The following PCDHGA2 variants were observed in gnomAD, a reference collection of about 807,000 sequenced individuals.
The protein encoded by PCDHGA2 is protocadherin gamma subfamily A, 2.
PCDHGA2 carries 40 observed loss-of-function variants against 59.2 expected under a neutral mutation model. That is an observed-to-expected ratio of 0.68 (90% confidence interval 0.52 to 0.88). The LOEUF (loss-of-function observed/expected upper bound fraction) is 0.88, where lower values mean the gene tolerates loss of function less well. PCDHGA2 is among the 40% of genes least tolerant of loss of function. The probability of loss-of-function intolerance (pLI) is 0.00; values close to 1 mark genes in which losing one functional copy is unlikely to be tolerated. For missense variants in PCDHGA2, 1,226 were observed against 1,204.0 expected, an observed-to-expected ratio of 1.02 and a Z score of -0.27; for synonymous variants, 560 against 526.0, an observed-to-expected ratio of 1.06 and a Z score of -0.89.
At position 141,431,192 on chromosome 5, in the gene PCDHGA2, A is replaced by T. The variant is rs769745353; in HGVS notation, c.2425-63615A>T. 8.7e-6 allele frequency: 14 copies of T among 1,614,042 alleles called. No homozygotes were observed. Among genetic ancestry groups the T allele is most frequent in the African/African-American group, 2.7e-5 (2 of 74,912 alleles). On this transcript the variant is annotated intron_variant, in intron 1 of 3. Coordinates refer to ENST00000394576, the MANE Select transcript of PCDHGA2 (RefSeq NM_018915.4). This position sits in a 1 kb window ranked among gnomAD's most constrained non-coding sequence, Gnocchi z 4.8. ...TGAATTAGAAATAAAAATTAGTGAA[A>T]ATGCAGCCACTGAGATGCGGTTCCC...
In PCDHGA2 at chr5:141,511,217, C is replaced by A. The variant is rs766814445; in HGVS notation, c.*44C>A. On this transcript the variant is annotated 3_prime_UTR_variant, in exon 4 of 4. Transcript: ENST00000394576. ...AGCCACAGGGCGGCCTCTCCCCAAC[C>A]AGCCCAGCTTCTCCTTACCTGCACC... The A allele has an allele frequency of 2.5e-6, 4 of 1,607,588 alleles. No homozygotes were observed. Among genetic ancestry groups the A allele is most frequent in the Non-Finnish European group, 3.4e-6 (4 of 1,177,026 alleles).
intron 1 of PCDHGA2, chr5:141,376,557 C>A: frequency 6.2e-7 from 1 of 1,609,994 alleles, no homozygotes; most frequent in Non-Finnish European, 8.5e-7. Flanking sequence ...CTTCCCGCAA[C>A]CCAACTAATC....
At chr5:141,415,818 A>C in intron 1 of PCDHGA2, 11 of 1,325,038 alleles carry the variant, frequency 8.3e-6, no homozygotes, top group Non-Finnish European at 8.7e-6. Flanking sequence ...CCTATATATC[A>C]TAAGGCTTTG....
chr5:141,363,888 C>T (rs1763099413), intron 1 of PCDHGA2, among the ~76,000 whole-genome samples: 1 of 152,020 alleles, frequency 6.6e-6, no homozygotes, highest in South Asian at 2.1e-4. Flanking sequence ...ACATAGGCTC[C>T]CCCGATGACG....
rs146857860 is a variant in PCDHGA2, at chr5:141,339,500, C to A, written c.529C>A (p.His177Asn). 178 of 1,614,016 alleles carry A rather than the reference C, an allele frequency of 1.1e-4. No individual in the cohort carries two copies. The highest frequency in any genetic ancestry group is 1.4e-4 in the Non-Finnish European group (165 of 1,180,036). ...LQKYALNPND[H>N]FSLDVRRGAD... ...GAAGTACGCACTCAACCCAAATGAC[C>A]ACTTCTCCCTGGACGTGCGAAGGGG... is the stretch of plus-strand genomic sequence containing the variant. The change falls in exon 1 of 4, where the codon CAC becomes AAC. Residue 177 changes from histidine to asparagine, a missense_variant. Transcript: ENST00000394576.
rs1756954726 is a variant in PCDHGA2, at chr5:141,340,525, C to G, written c.1554C>G (p.Arg518=). 4 of 1,614,126 alleles carry G rather than the reference C, an allele frequency of 2.5e-6. No homozygotes were observed. Among genetic ancestry groups the G allele is most frequent in the African/African-American group, 1.3e-5 (1 of 74,936 alleles). The part of the protein sequence containing the change: ...NSDTGVLYAL[R]SFDYEQLRDL... ...ACACTGGAGTACTCTATGCACTGCG[C>G]TCCTTTGATTATGAGCAGTTGCGAG... Residue 518 remains arginine (R), a synonymous_variant, in exon 1 of 4, where the codon CGC becomes CGG. Transcript: ENST00000394576.
chr5:141,464,048 T>C (rs377735829), intron 1 of PCDHGA2, among the ~76,000 whole-genome samples: 1 of 152,260 alleles, frequency 6.6e-6, no homozygotes, highest in South Asian at 2.1e-4. Context: ...GTGGATCACC[T>C]GAGGTCAGGA....
At chr5:141,364,781 C>A in intron 1 of PCDHGA2, 1 of 1,613,988 alleles carries the variant, frequency 6.2e-7, no homozygotes, top group Non-Finnish European at 8.5e-7. Context: ...TGCAGGGACA[C>A]GGTTAGTGCT....
At chr5:141,427,721 A>C (rs904969652) in intron 1 of PCDHGA2, 3 of 1,110,498 alleles carry the variant, frequency 2.7e-6, no homozygotes, top group Non-Finnish European at 4.0e-6. Context: ...ACCTGGACCT[A>C]GGGCTGAATG....
intron 1 of PCDHGA2, among the ~76,000 whole-genome samples, chr5:141,494,188 T>G (rs2099752632): frequency 6.6e-6 from 1 of 152,186 alleles, no homozygotes; most frequent in Non-Finnish European, 1.5e-5. Flanking sequence ...GTCCCGGGAC[T>G]TGGATGCCCC....
Position 141,489,161 on chromosome 5 carries a change from A to T in PCDHGA2, c.2425-5646A>T. ...GCTGGAAGGAGACATAAGAGACTTC[A>T]GCTGCTGCATTCCAAGCCCTGGGTC... On this transcript the variant is annotated intron_variant, in intron 1 of 3. Coordinates refer to ENST00000394576, the MANE Select transcript of PCDHGA2 (RefSeq NM_018915.4). The surrounding 1 kb of genome is among the most constrained non-coding windows in gnomAD (Gnocchi z 4.5). 1.9e-6 allele frequency: 2 copies of T among 1,040,278 alleles called. No individual in the cohort carries two copies. The highest frequency in any genetic ancestry group is 2.8e-6 in the Non-Finnish European group (2 of 709,676). 64.4% of individuals were successfully genotyped at this position (1,040,278 alleles called of 1,614,324 possible).
At position 141,489,185 on chromosome 5, in the gene PCDHGA2, T is replaced by TCTA; in HGVS notation, c.2425-5620_2425-5618dup. Reference sequence around the variant, plus strand: ...CAGCTGCTGCATTCCAAGCCCTGGGTCTACCTTGGAGACAGGACAGCACAG... The same window carrying TCTA: ...CAGCTGCTGCATTCCAAGCCCTGGGTCTACTACCTTGGAGACAGGACAGCACAG... On this transcript the variant is annotated intron_variant, in intron 1 of 3. Coordinates refer to ENST00000394576, the MANE Select transcript of PCDHGA2 (RefSeq NM_018915.4). This position sits in a 1 kb window ranked among gnomAD's most constrained non-coding sequence, Gnocchi z 4.5. 7.8e-7 allele frequency: 1 copy of TCTA among 1,286,838 alleles called. No homozygotes were observed. The highest frequency in any genetic ancestry group is 1.5e-5 in the South Asian group (1 of 65,798). The allele number at this position is 1,286,838 out of a possible 1,614,324, so 79.7% of individuals were successfully genotyped here.
At chr5:141,419,093 C>T (rs1191453038) in intron 1 of PCDHGA2, 4 of 1,613,916 alleles carry the variant, frequency 2.5e-6, no homozygotes, top group South Asian at 1.1e-5. Flanking sequence ...GGCCCTGGAT[C>T]GGGAGCAGAC....
At chr5:141,441,962 G>A in intron 1 of PCDHGA2, 1 of 313,768 alleles carries the variant, frequency 3.2e-6, no homozygotes, top group Admixed American at 4.1e-5. Context: ...AGCAAGCCCA[G>A]GCTCTTCAGC....
At chr5:141,376,549 TC>T in intron 1 of PCDHGA2, 1 of 1,612,110 alleles carries the variant, frequency 6.2e-7, no homozygotes, top group South Asian at 1.1e-5. Context: ...AATCTGATCT[TC>T]CCGCAACCCA....
rs766431596 is a variant in PCDHGA2 at position 141,422,883 on chromosome 5, C to T, written c.2425-71924C>T. The T allele has an allele frequency of 3.7e-6, 6 of 1,614,124 alleles. No homozygotes were observed. The African/African-American group carries it at 4.0e-5, about 11-fold the overall frequency. Reference sequence around the variant, plus strand: ...GCAGCAACGTGTCGCTGAGCCTGTTCGTGCTGGACCAGAACGACAATGCGC... The same window carrying T: ...GCAGCAACGTGTCGCTGAGCCTGTTTGTGCTGGACCAGAACGACAATGCGC... On this transcript the variant is annotated intron_variant, in intron 1 of 3. Transcript: ENST00000394576.
rs779390477 is a variant in PCDHGA2 at position 141,419,000 on chromosome 5, G to A, written c.2425-75807G>A. ...GGACCAAGACTCAGGGGAAAATGGG[G>A]AAGTCAGGTGTAGCTTAAGTAGAGG... On this transcript the variant is annotated intron_variant, in intron 1 of 3. Transcript: ENST00000394576. 3.1e-6 allele frequency: 5 copies of A among 1,613,962 alleles called. 1 individual carries two copies. In the South Asian group the frequency reaches 4.4e-5, roughly 14 times the overall value.
intron 1 of PCDHGA2, chr5:141,409,747 C>T (rs771456718): frequency 1.2e-6 from 2 of 1,612,994 alleles, no homozygotes; most frequent in East Asian, 2.2e-5. Flanking sequence ...GGGTGGTGTT[C>T]GCGCAGCGCG....
intron 1 of PCDHGA2, chr5:141,398,772 G>A: frequency 6.2e-7 from 1 of 1,613,910 alleles, no homozygotes; most frequent in South Asian, 1.1e-5. Flanking sequence ...TGACTGCCTT[G>A]GACGGTGGAC....
Sources: gnomAD v4.1 joint callset for allele counts (sites outside exome capture counted in the v4.1 genomes callset) on GRCh38, gnomAD v4.1.1 for gene constraint, Gnocchi (gnomAD v3.1) non-coding constraint, MANE v1.5 for transcripts, NCBI Gene and HGNC (gene_info 2026-07-23, HGNC 2026-07-21) for gene names.